ELF5: variants seen among roughly 807,000 people sequenced by gnomAD.
The protein encoded by ELF5 is ETS-related transcription factor Elf-5.
A neutral mutation model predicts 38.2 loss-of-function variants in ELF5; 31 were observed. That is an observed-to-expected ratio of 0.81 (90% confidence interval 0.61 to 1.10). ELF5 has a LOEUF of 1.10. ELF5 is among the 50% of genes least tolerant of loss of function. The pLI, the probability that ELF5 is intolerant of heterozygous loss-of-function variation, is 0.00. For synonymous variants in ELF5, 121 were observed against 112.5 expected (o/e 1.08, Z -0.48); for missense variants, 300 against 306.6 (o/e 0.98, Z 0.16).
intron 2 of ELF5, among the ~76,000 whole-genome samples, chr11:34,501,872 T>A (rs1850479652): frequency 6.6e-6 from 1 of 152,162 alleles, no homozygotes; most frequent in Non-Finnish European, 1.5e-5. Flanking sequence ...ATTCCACCCT[T>A]CCCTCTCCTA....
At chr11:34,486,054 G>A (rs1849987280) in intron 4 of ELF5, among the ~76,000 whole-genome samples, 1 of 152,122 alleles carries the variant, frequency 6.6e-6, no homozygotes, top group Non-Finnish European at 1.5e-5. Flanking sequence ...TTTAAAATGT[G>A]GCCAAAGGAT....
intron 2 of ELF5, among the ~76,000 whole-genome samples, chr11:34,498,198 G>T (rs1489818251): frequency 6.6e-6 from 1 of 152,132 alleles, no homozygotes; most frequent in African/African-American, 2.4e-5. Flanking sequence ...CTATTAAAAG[G>T]ATTATGTAAA....
chr11:34,513,417 C>T (rs761095071), intron 1 of ELF5, among the ~76,000 whole-genome samples: 7 of 152,262 alleles, frequency 4.6e-5, no homozygotes, highest in Non-Finnish European at 7.3e-5. Flanking sequence ...CTTAATTCCC[C>T]TTGGTTCAGC....
intron 1 of ELF5, among the ~76,000 whole-genome samples, chr11:34,510,936 T>G (rs558378203): frequency 6.6e-6 from 1 of 152,308 alleles, no homozygotes; most frequent in Admixed American, 6.5e-5. Context: ...ATACTTTTCA[T>G]TTTGTGAGGG....
chr11:34,480,947 A>G lies in ELF5; in HGVS notation c.496T>C (p.Trp166Arg), dbSNP rs1193438284. ...AGAAGCAGGTCTCGTACAAATTCCC[A>G]TAGATGAGAACTTTGGAGGCCTTTT... ...SRTSLQSSHL[W>R]EFVRDLLLSP... Residue 166 changes from tryptophan (W) to arginine (R), a missense_variant, in exon 6 of 7, where the codon TGG (tryptophan) becomes CGG (arginine). By Grantham distance (101) the Trp-to-Arg change is moderately radical. Transcript: ENST00000257832. 1.2e-6 allele frequency: 2 copies of G among 1,613,044 alleles called. No individual in the cohort carries two copies. Among genetic ancestry groups the G allele is most frequent in the Non-Finnish European group, 1.7e-6 (2 of 1,179,634 alleles).
At chr11:34,502,310 C>T (rs890033757) in intron 2 of ELF5, among the ~76,000 whole-genome samples, 2 of 152,304 alleles carry the variant, frequency 1.3e-5, no homozygotes, top group Non-Finnish European at 1.5e-5. Flanking sequence ...ATAGTATTTC[C>T]TGGGAGGTGG....
At chr11:34,511,163 T>C (rs182227802) in intron 1 of ELF5, among the ~76,000 whole-genome samples, 24 of 152,344 alleles carry the variant, frequency 1.6e-4, no homozygotes, top group Non-Finnish European at 7.3e-5. Flanking sequence ...ACATTGATTA[T>C]ATTTGCATTT....
intron 2 of ELF5, among the ~76,000 whole-genome samples, chr11:34,498,323 C>A (rs1286540443): frequency 6.6e-6 from 1 of 151,940 alleles, no homozygotes; most frequent in East Asian, 1.9e-4. Context: ...CGTGTCACCA[C>A]TTTAATTACA....
rs954556306 is a variant in ELF5, at chr11:34,493,849, T to G, written c.122-137A>C. ...AAAGGGCCTCCAGCCCTGGGTGTTCTGCAGAGCCCAGGTCACCTTCTATTC... is the reference window on the plus strand; with the variant it reads ...AAAGGGCCTCCAGCCCTGGGTGTTCGGCAGAGCCCAGGTCACCTTCTATTC... On this transcript the variant is annotated intron_variant, in intron 2 of 6. Coordinates refer to ENST00000257832, the MANE Select transcript of ELF5 (RefSeq NM_001422.4). 4.4e-5 allele frequency: 31 copies of G among 701,214 alleles called. 1 individual carries two copies. The highest frequency in any genetic ancestry group is 4.0e-4 in the Middle Eastern group (1 of 2,508). The allele number at this position is 701,214 out of a possible 1,614,324, so 43.4% of individuals were successfully genotyped here.
chr11:34,494,884 C>G (rs1850279156), intron 2 of ELF5, among the ~76,000 whole-genome samples: 1 of 152,172 alleles, frequency 6.6e-6, no homozygotes, highest in African/African-American at 2.4e-5. Context: ...ACTTAATATA[C>G]ATAAAAGTAC....
intron 5 of ELF5, 117 bp downstream of exon 5, chr11:34,482,314 C>T: frequency 1.1e-6 from 1 of 907,194 alleles, no homozygotes. Flanking sequence ...TTACTACCTT[C>T]CTTGGGGAGT....
chr11:34,496,737 C>T (rs948291431), intron 2 of ELF5, among the ~76,000 whole-genome samples: 1 of 152,204 alleles, frequency 6.6e-6, no homozygotes, highest in African/African-American at 2.4e-5. Flanking sequence ...CACAGGCCTA[C>T]CTCAGTGAGT....
At chr11:34,507,332 A>C (rs529790217) in intron 1 of ELF5, among the ~76,000 whole-genome samples, 1 of 152,364 alleles carries the variant, frequency 6.6e-6, no homozygotes, top group Admixed American at 6.5e-5. Flanking sequence ...TGGTCTGCTC[A>C]GAACAACCAC....
chr11:34,496,401 C>A (rs1397688974), intron 2 of ELF5, among the ~76,000 whole-genome samples: 1 of 152,238 alleles, frequency 6.6e-6, no homozygotes, highest in Non-Finnish European at 1.5e-5. Context: ...CCGGGGGTCC[C>A]ATCCTCAGGA....
At chr11:34,484,985 G>A (rs1464511033) in intron 4 of ELF5, among the ~76,000 whole-genome samples, 1 of 152,120 alleles carries the variant, frequency 6.6e-6, no homozygotes, top group Non-Finnish European at 1.5e-5. Flanking sequence ...TGAGTTCCTT[G>A]GTATCACAAC....
At chr11:34,501,233 C>T (rs371339509) in intron 2 of ELF5, among the ~76,000 whole-genome samples, 2 of 152,288 alleles carry the variant, frequency 1.3e-5, no homozygotes, top group African/African-American at 4.8e-5. Context: ...CAGAGAAGGA[C>T]TGAAGCCCCA....
intron 4 of ELF5, among the ~76,000 whole-genome samples, chr11:34,484,297 T>C (rs1857014279): frequency 6.6e-6 from 1 of 151,694 alleles, no homozygotes; most frequent in African/African-American, 2.4e-5. Context: ...AACTGTACTA[T>C]ACTATACTAA....
rs1206768575 is a variant in ELF5 at position 34,485,444 on chromosome 11, T to C, written c.407-2945A>G. On this transcript the variant is annotated intron_variant, in intron 4 of 6. Transcript: ENST00000257832. Reference sequence around the variant, plus strand: ...ATCTTTTAGGAGAAGAGAAAACAAATGGAGTCATAAACAAAGGTGAATTAT... The same window carrying C: ...ATCTTTTAGGAGAAGAGAAAACAAACGGAGTCATAAACAAAGGTGAATTAT... Among the ~76,000 whole-genome samples, 3 of 152,196 alleles carry C rather than the reference T, an allele frequency of 2.0e-5. No individual in the cohort carries two copies. The East Asian group carries it at 5.8e-4, about 29-fold the overall frequency.
chr11:34,508,250 C>T (rs1016654660), intron 1 of ELF5, among the ~76,000 whole-genome samples: 5 of 152,090 alleles, frequency 3.3e-5, no homozygotes, highest in African/African-American at 1.2e-4. Flanking sequence ...ACCTGTAATC[C>T]CAGCACTTTG....
Sources: gnomAD v4.1 joint callset for allele counts (sites outside exome capture counted in the v4.1 genomes callset) on GRCh38, gnomAD v4.1.1 for gene constraint, MANE v1.5 for transcripts, NCBI Gene and HGNC (gene_info 2026-07-23, HGNC 2026-07-21) for gene names.